Variants in CALCR observed in about 807,000 individuals in gnomAD.
CALCR encodes the protein calcitonin receptor.
CALCR carries 47 observed loss-of-function variants against 59.5 expected under a neutral mutation model. The observed-to-expected ratio is 0.79, with a 90% CI of 0.63 to 1.01. CALCR has a LOEUF of 1.01. Ranked by LOEUF, CALCR falls within the 50% of genes least tolerant of loss-of-function variation. The pLI is 0.00. For synonymous variants in CALCR, 213 were observed against 211.3 expected (o/e 1.01, Z -0.07); for missense variants, 566 against 597.1 (o/e 0.95, Z 0.54).
chr7:93,530,183 GTGTT>G (rs1003177297), intron 2 of CALCR, among the ~76,000 whole-genome samples: 1 of 152,120 alleles, frequency 6.6e-6, no homozygotes, highest in African/African-American at 2.4e-5. Flanking sequence ...TGAGAAAATA[GTGTT>G]TGAGAAGTTA....
intron 6 of CALCR, among the ~76,000 whole-genome samples, chr7:93,469,669 C>A (rs562984599): frequency 6.6e-6 from 1 of 151,748 alleles, no homozygotes; most frequent in African/African-American, 2.4e-5. Flanking sequence ...TTGAAGTAGA[C>A]TTGAATCTTT....
intron 8 of CALCR, among the ~76,000 whole-genome samples, chr7:93,447,839 G>A (rs1425066019): frequency 6.6e-6 from 1 of 151,898 alleles, no homozygotes; most frequent in Non-Finnish European, 1.5e-5. Flanking sequence ...AATACCTCAG[G>A]AAGGGACTAC....
At chr7:93,460,979 A>G in intron 7 of CALCR, 32 bp from the exon 8 acceptor site, 1 of 1,564,112 alleles carries the variant, frequency 6.4e-7, no homozygotes, top group Non-Finnish European at 8.6e-7. Context: ...AGCATTAACC[A>G]GTGCCAAAAT....
intron 2 of CALCR, among the ~76,000 whole-genome samples, chr7:93,525,752 T>C (rs1801864711): frequency 6.6e-6 from 1 of 152,204 alleles, no homozygotes; most frequent in African/African-American, 2.4e-5. Flanking sequence ...TCCTTGAATA[T>C]AAAATATTTC....
rs1349588581 is a variant in CALCR at position 93,574,451 on chromosome 7, G to A, written c.-189C>T. 6.6e-6 allele frequency: 1 copy of A among 152,102 alleles called. No homozygotes were observed. Among genetic ancestry groups the A allele is most frequent in the Non-Finnish European group, 1.5e-5 (1 of 68,036 alleles). 9.4% of individuals were successfully genotyped at this position (152,102 alleles called of 1,614,324 possible). A position where few individuals can be genotyped will look rare whatever the true frequency, so the allele number is the denominator to read the frequency against. On this transcript the variant is annotated 5_prime_UTR_variant, in exon 2 of 14. Coordinates refer to ENST00000426151, the MANE Select transcript of CALCR (RefSeq NM_001742.4). ...CGGACGTGCGCACTTCTCCAACCCG[G>A]GAAGGTCCGCCAGCCGCGCGGCGCA...
At chr7:93,528,546 C>A (rs562236081) in intron 2 of CALCR, among the ~76,000 whole-genome samples, 2 of 151,902 alleles carry the variant, frequency 1.3e-5, no homozygotes, top group South Asian at 2.1e-4. Flanking sequence ...TTTGTCCTTG[C>A]GATAGTTTGC....
At chr7:93,563,821 C>T (rs183995468) in intron 2 of CALCR, among the ~76,000 whole-genome samples, 20 of 152,208 alleles carry the variant, frequency 1.3e-4, no homozygotes, top group Admixed American at 4.6e-4. Context: ...GGTTCATTTC[C>T]GAATCCATCA....
intron 2 of CALCR, among the ~76,000 whole-genome samples, chr7:93,555,498 T>G (rs372736033): frequency 2.6e-4 from 40 of 152,190 alleles, no homozygotes; most frequent in African/African-American, 9.6e-4. Context: ...TGGTTTAAAC[T>G]GCAAAAAGTC....
intron 2 of CALCR, among the ~76,000 whole-genome samples, chr7:93,526,900 C>G (rs890447668): frequency 6.6e-6 from 1 of 151,906 alleles, no homozygotes; most frequent in African/African-American, 2.4e-5. Context: ...TTGGGTCACT[C>G]CACTCCATGA....
At chr7:93,483,452 G>A (rs1311020512) in intron 3 of CALCR, among the ~76,000 whole-genome samples, 1 of 112,372 alleles carries the variant, frequency 8.9e-6, no homozygotes, top group African/African-American at 7.3e-5. Flanking sequence ...TAGATAGATA[G>A]ATAGACAGAC....
intron 6 of CALCR, among the ~76,000 whole-genome samples, chr7:93,470,921 AC>A (rs1400981740): frequency 1.6e-5 from 2 of 124,692 alleles, no homozygotes; most frequent in Non-Finnish European, 3.4e-5. Context: ...GCTATCCCTC[AC>A]CCCTCCCCCC....
At chr7:93,541,633 A>T (rs553265504) in intron 2 of CALCR, among the ~76,000 whole-genome samples, 1 of 152,294 alleles carries the variant, frequency 6.6e-6, no homozygotes, top group Non-Finnish European at 1.5e-5. Flanking sequence ...CTCTTGGTAT[A>T]TGATTCTATG....
chr7:93,519,186 T>A (rs1801707379), intron 2 of CALCR, among the ~76,000 whole-genome samples: 1 of 152,062 alleles, frequency 6.6e-6, no homozygotes, highest in Non-Finnish European at 1.5e-5. Flanking sequence ...TCCTGTTTTT[T>A]CTGTTGTGTG....
intron 2 of CALCR, among the ~76,000 whole-genome samples, chr7:93,521,440 G>A (rs1563006151): frequency 6.6e-6 from 1 of 152,108 alleles, no homozygotes; most frequent in Non-Finnish European, 1.5e-5. Flanking sequence ...ATTAAAGTGT[G>A]TACATTCATA....
chr7:93,524,871 C>CAA (rs1243421519), intron 2 of CALCR, among the ~76,000 whole-genome samples: 2 of 152,068 alleles, frequency 1.3e-5, no homozygotes, highest in Non-Finnish European at 2.9e-5. Context: ...GTTTCTACTA[C>CAA]AAAACTAAAG....
intron 2 of CALCR, among the ~76,000 whole-genome samples, chr7:93,516,147 G>A (rs1801646103): frequency 6.6e-6 from 1 of 151,770 alleles, no homozygotes; most frequent in Admixed American, 6.6e-5. Flanking sequence ...CTCAAAAAAT[G>A]TAAAAGGTTT....
At chr7:93,539,695 A>G (rs776607187) in intron 2 of CALCR, among the ~76,000 whole-genome samples, 1 of 152,062 alleles carries the variant, frequency 6.6e-6, no homozygotes, top group Non-Finnish European at 1.5e-5. Context: ...TGGTTTTTCC[A>G]TATGTAAAAG....
intron 9 of CALCR, 38 bp downstream of exon 9, chr7:93,443,566 T>A (rs1286795349): frequency 6.3e-7 from 1 of 1,594,840 alleles, no homozygotes; most frequent in Admixed American, 1.7e-5. Context: ...CAGACAGAGG[T>A]GAAAGTGACT....
Position 93,424,822 on chromosome 7 carries a change from A to T in CALCR, c.*1534T>A, listed in dbSNP as rs1163466062. 6.6e-6 allele frequency: 1 copy of T among 152,562 alleles called. No homozygotes were observed. The highest frequency in any genetic ancestry group is 1.5e-5 in the Non-Finnish European group (1 of 68,018). The allele number at this position is 152,562 out of a possible 1,614,324, so 9.5% of individuals were successfully genotyped here. Reference sequence around the variant, plus strand: ...ACCTTCTTTTCGATCCCCCCCTTACATTCAGTAAAGGAGACTTAAACTACT... The same window carrying T: ...ACCTTCTTTTCGATCCCCCCCTTACTTTCAGTAAAGGAGACTTAAACTACT... On this transcript the variant is annotated 3_prime_UTR_variant, in exon 14 of 14. Coordinates refer to ENST00000426151, the MANE Select transcript of CALCR (RefSeq NM_001742.4).
Sources: allele counts gnomAD v4.1 joint callset (sites outside exome capture counted in the v4.1 genomes callset), GRCh38; gene constraint gnomAD v4.1.1; transcripts MANE v1.5; gene names NCBI Gene and HGNC (gene_info 2026-07-23, HGNC 2026-07-21).